The following CMTR1 variants were observed in gnomAD, a reference collection of about 807,000 sequenced individuals.
CMTR1 encodes the protein cap methyltransferase 1.
Under a neutral mutation model 107.0 loss-of-function variants are expected in CMTR1, and 39 were observed. The observed-to-expected ratio is 0.36, with a 90% confidence interval of 0.28 to 0.48. The LOEUF is 0.48. Ranked by LOEUF, CMTR1 falls within the 20% of genes least tolerant of loss-of-function variation. The probability of loss-of-function intolerance (pLI) is 0.99; values close to 1 mark genes in which losing one functional copy is unlikely to be tolerated. For synonymous variants in CMTR1, 366 were observed against 379.5 expected (o/e 0.96, Z 0.41); for missense variants, 672 against 1,064.9 (o/e 0.63, Z 5.14).
At chr6:37,429,846 G>A (rs545403990), upstream of CMTR1, among the ~76,000 whole-genome samples, 4 of 152,126 alleles carry the variant, frequency 2.6e-5, no homozygotes, top group Non-Finnish European at 4.4e-5. Flanking sequence ...GCTGAGGCAG[G>A]AGAATTGCTT....
the CMTR1 span, among the ~76,000 whole-genome samples, chr6:37,428,196 A>G: frequency 6.6e-6 from 1 of 152,234 alleles, no homozygotes; most frequent in Non-Finnish European, 1.5e-5. Flanking sequence ...GAGGAGGATT[A>G]CATAAATGTT....
intron 23 of CMTR1, among the ~76,000 whole-genome samples, chr6:37,479,471 A>AC (rs1761811891): frequency 6.6e-6 from 1 of 152,156 alleles, no homozygotes; most frequent in Non-Finnish European, 1.5e-5. Context: ...CGATGCCTGG[A>AC]CCTGCTAATG....
rs1303143199 is a variant in CMTR1 at position 37,458,496 on chromosome 6, G to A, written c.778-116G>A. 3.3e-6 allele frequency: 3 copies of A among 921,104 alleles called. No individual in the cohort carries two copies. In the Admixed American group the frequency reaches 7.8e-5, roughly 24 times the overall value. 57.1% of individuals were successfully genotyped at this position (921,104 alleles called of 1,614,324 possible). ...TTCCTGGGTGCTGTAGCTCTGGTGG[G>A]AGCTCTGGATTGTACTTGCCGAAAG... On this transcript the variant is annotated intron_variant, in intron 8 of 23. Coordinates refer to ENST00000373451, the MANE Select transcript of CMTR1 (RefSeq NM_015050.3). This position sits in a 1 kb window ranked among gnomAD's most constrained non-coding sequence, Gnocchi z 4.7.
chr6:37,437,670 T>C (rs1174067229), intron 2 of CMTR1, among the ~76,000 whole-genome samples: 2 of 152,166 alleles, frequency 1.3e-5, no homozygotes, highest in East Asian at 3.8e-4. Context: ...TTGAAGTTCC[T>C]GAGTAAGAAG....
In CMTR1 at chr6:37,472,949, C is replaced by G. The variant is rs1761660309; in HGVS notation, c.1689+462C>G. ...TCCTCAGAGTTCTTTTGCCCTGTTT[C>G]TTCTACCACTCAACCTCCAGCTTTT... On this transcript the variant is annotated intron_variant, in intron 16 of 23. Coordinates refer to ENST00000373451, the MANE Select transcript of CMTR1 (RefSeq NM_015050.3). This position sits in a 1 kb window ranked among gnomAD's most constrained non-coding sequence, Gnocchi z 4.1. Among the ~76,000 whole-genome samples the G allele has an allele frequency of 6.6e-6, 1 of 152,184 alleles. No homozygotes were observed.
intron 20 of CMTR1, 93 bp from the exon 21 acceptor site, chr6:37,477,499 A>G: frequency 8.6e-7 from 1 of 1,156,876 alleles, no homozygotes; most frequent in Non-Finnish European, 1.3e-6. Context: ...GGCAGAAGCC[A>G]AGGTCAAGTG....
In CMTR1 at chr6:37,481,450, C is replaced by T. The variant is rs1228450740; in HGVS notation, c.*1305C>T. Reference sequence around the variant, plus strand: ...TGAGATGCTGTATTTCCACCCAATTCTGGGTATATCAGTGTGTCTTGCAGA... The same window carrying T: ...TGAGATGCTGTATTTCCACCCAATTTTGGGTATATCAGTGTGTCTTGCAGA... On this transcript the variant is annotated 3_prime_UTR_variant, in exon 24 of 24. Coordinates refer to ENST00000373451, the MANE Select transcript of CMTR1 (RefSeq NM_015050.3). The T allele has an allele frequency of 8.6e-7, 1 of 1,162,180 alleles. No individual in the cohort carries two copies. The highest frequency in any genetic ancestry group is 1.1e-6 in the Non-Finnish European group (1 of 929,222). The allele number at this position is 1,162,180 out of a possible 1,614,324, so 72.0% of individuals were successfully genotyped here.
chr6:37,435,910 A>T, intron 2 of CMTR1, 148 bp downstream of exon 2: 1 of 746,216 alleles, frequency 1.3e-6, no homozygotes, highest in Non-Finnish European at 2.0e-6. Context: ...TTGGCTATAG[A>T]CTCTTTTCCC....
the CMTR1 span, among the ~76,000 whole-genome samples, chr6:37,425,222 C>T: frequency 2.0e-5 from 3 of 151,002 alleles, no homozygotes; most frequent in African/African-American, 7.3e-5. Flanking sequence ...GAAATTTTTC[C>T]CTCACTTTTG....
chr6:37,448,205 C>T lies in CMTR1; in HGVS notation c.444+1756C>T, dbSNP rs1272848906. The stretch of plus-strand genomic sequence containing the variant: ...CAGCCTGGGCAACAGTGAGAGATTC[C>T]GTCTCAAAAAAAAAAAAAAAAAAAA... On this transcript the variant is annotated intron_variant, in intron 4 of 23. Transcript: ENST00000373451. Among the ~76,000 whole-genome samples the T allele has an allele frequency of 7.5e-5, 7 of 92,746 alleles. No homozygotes were observed. In the Admixed American group the frequency reaches 1.0e-3, roughly 14 times the overall value. The allele number at this position is 92,746 out of a possible 152,430, so 60.8% of individuals were successfully genotyped here. A position where few individuals can be genotyped will look rare whatever the true frequency, so the allele number is the denominator to read the frequency against.
rs944594130 is a variant in CMTR1 at position 37,442,352 on chromosome 6, C to G, written c.134-1647C>G. Among the ~76,000 whole-genome samples the G allele has an allele frequency of 3.0e-4, 45 of 152,306 alleles. No individual in the cohort carries two copies. The Middle Eastern group carries it at 0.01, about 35-fold the overall frequency. On this transcript the variant is annotated intron_variant, in intron 2 of 23. Coordinates refer to ENST00000373451, the MANE Select transcript of CMTR1 (RefSeq NM_015050.3). ...CATTCTCATCCTTAAACTTCTGAGG[C>G]CTGAACAGCTTGCACTATTTGTAAG...
chr6:37,477,709 C>T (rs1384884694), intron 21 of CMTR1, 70 bp downstream of exon 21: 14 of 853,036 alleles, frequency 1.6e-5, no homozygotes, highest in Non-Finnish European at 2.2e-5. Context: ...TGTAGTCATC[C>T]TCCGTTTCAT....
chr6:37,428,781 A>G (rs1771327401), upstream of CMTR1, among the ~76,000 whole-genome samples: 1 of 151,488 alleles, frequency 6.6e-6, no homozygotes, highest in African/African-American at 2.4e-5. Flanking sequence ...AACATGAGTG[A>G]CTCCATTTTG....
intron 4 of CMTR1, among the ~76,000 whole-genome samples, chr6:37,448,047 A>G (rs1341308190): frequency 1.3e-5 from 2 of 151,616 alleles, no homozygotes; most frequent in Admixed American, 1.3e-4. Context: ...CGTCTCTACT[A>G]AAAAATACAA....
At chr6:37,451,765 G>A in intron 5 of CMTR1, 41 bp from the exon 6 acceptor site, 1 of 1,464,234 alleles carries the variant, frequency 6.8e-7, no homozygotes, top group Non-Finnish European at 9.6e-7. Context: ...GACAATTGCA[G>A]TCACACGTGG....
intron 13 of CMTR1, among the ~76,000 whole-genome samples, chr6:37,463,420 T>A (rs960555195): frequency 1.3e-4 from 20 of 152,180 alleles, no homozygotes; most frequent in African/African-American, 4.6e-4. Flanking sequence ...ACAACATGCT[T>A]TGGAAGTGCC....
chr6:37,480,758 A>G lies in CMTR1; in HGVS notation c.*613A>G. ...GTTCTTCCTAGCCCAGAGCTCTGAC[A>G]GTCCAGCAGGGTGGGAAGGAGGGAG... On this transcript the variant is annotated 3_prime_UTR_variant, in exon 24 of 24. Coordinates refer to ENST00000373451, the MANE Select transcript of CMTR1 (RefSeq NM_015050.3). 1.4e-5 allele frequency: 15 copies of G among 1,057,292 alleles called. No individual in the cohort carries two copies. The highest frequency in any genetic ancestry group is 1.6e-5 in the Non-Finnish European group (14 of 874,302). 65.5% of individuals were successfully genotyped at this position (1,057,292 alleles called of 1,614,324 possible).
intron 4 of CMTR1, among the ~76,000 whole-genome samples, chr6:37,447,636 G>A (rs1159403738): frequency 6.6e-6 from 1 of 151,916 alleles, no homozygotes; most frequent in African/African-American, 2.4e-5. Flanking sequence ...CGAGGCGGGT[G>A]GATCACCTGA....
Position 37,472,523 on chromosome 6 carries a change from G to GAGAC in CMTR1, c.1689+39_1689+40insCAGA. 7 of 1,596,172 alleles carry GAGAC rather than the reference G, an allele frequency of 4.4e-6. No homozygotes were observed. Among genetic ancestry groups the GAGAC allele is most frequent in the Non-Finnish European group, 6.0e-6 (7 of 1,163,834 alleles). ...TATCTGTGGTGGACATAAAAAGTTA[G>GAGAC]AGATCTGTCTCTAGATGTGGATGGT... On this transcript the variant is annotated intron_variant, in intron 16 of 23. Coordinates refer to ENST00000373451, the MANE Select transcript of CMTR1 (RefSeq NM_015050.3). The surrounding 1 kb of genome is among the most constrained non-coding windows in gnomAD (Gnocchi z 4.1).
Sources: gnomAD v4.1 joint callset for allele counts (sites outside exome capture counted in the v4.1 genomes callset) on GRCh38, gnomAD v4.1.1 for gene constraint, Gnocchi (gnomAD v3.1) non-coding constraint, MANE v1.5 for transcripts, NCBI Gene and HGNC (gene_info 2026-07-23, HGNC 2026-07-21) for gene names.